PATJ: variants seen among roughly 807,000 people sequenced by gnomAD.
PATJ encodes PATJ crumbs cell polarity complex component.
A neutral mutation model predicts 224.9 loss-of-function variants in PATJ; 190 were observed. The observed-to-expected ratio is 0.84, with a 90% CI of 0.75 to 0.95. The LOEUF is 0.95. Ranked by LOEUF, PATJ falls within the 40% of genes least tolerant of loss-of-function variation. The probability of loss-of-function intolerance (pLI) is 0.00; values close to 1 mark genes in which losing one functional copy is unlikely to be tolerated. For synonymous variants in PATJ, 769 were observed against 820.3 expected (o/e 0.94, Z 1.07); for missense variants, 2,121 against 2,270.3 (o/e 0.93, Z 1.34).
In PATJ at chr1:62,161,484, A is replaced by C. The variant is rs1021814391; in HGVS notation, c.*430A>C. On this transcript the variant is annotated 3_prime_UTR_variant, in exon 44 of 44. Transcript: ENST00000642238. Reference sequence around the variant, plus strand: ...CTCCCGAGTAGCTGGGATTACAGGCATGCATCACCACACTGGGTTTATTTT... The same window carrying C: ...CTCCCGAGTAGCTGGGATTACAGGCCTGCATCACCACACTGGGTTTATTTT... The C allele has an allele frequency of 2.6e-5, 4 of 153,590 alleles. No individual in the cohort carries two copies. Among genetic ancestry groups the C allele is most frequent in the African/African-American group, 9.7e-5 (4 of 41,368 alleles). 9.5% of individuals were successfully genotyped at this position (153,590 alleles called of 1,614,324 possible).
rs367557803 is a variant in PATJ at position 61,871,063 on chromosome 1, G to T, written c.2836-4180G>T. On this transcript the variant is annotated intron_variant, in intron 20 of 43. Coordinates refer to ENST00000642238, the MANE Select transcript of PATJ (RefSeq NM_001350145.3). ...TCCTTTGTCCATTTTTTAAAGATTTGGTTTTTGTTTTTTTTGTTTTTTTTT... is the reference window on the plus strand; with the variant it reads ...TCCTTTGTCCATTTTTTAAAGATTTTGTTTTTGTTTTTTTTGTTTTTTTTT... Among the ~76,000 whole-genome samples the T allele has an allele frequency of 6.5e-4, 76 of 116,184 alleles. 2 individuals are homozygous for T. In the East Asian group the frequency reaches 0.013, roughly 20 times the overall value. The allele number at this position is 116,184 out of a possible 152,430, so 76.2% of individuals were successfully genotyped here. A position where few individuals can be genotyped will look rare whatever the true frequency, so the allele number is the denominator to read the frequency against.
chr1:61,765,370 C>A (rs1295925259), intron 3 of PATJ, among the ~76,000 whole-genome samples: 1 of 151,448 alleles, frequency 6.6e-6, no homozygotes, highest in Non-Finnish European at 1.5e-5. Context: ...AGCCATCACA[C>A]CCGGCCTAAC....
chr1:61,900,877 C>G (rs866668135), intron 23 of PATJ, among the ~76,000 whole-genome samples: 45 of 152,288 alleles, frequency 3.0e-4, no homozygotes, highest in Middle Eastern at 3.4e-3. Context: ...GCGTGAGCCA[C>G]CGCGCCAAGC....
intron 41 of PATJ, among the ~76,000 whole-genome samples, chr1:62,139,399 C>CAAA (rs4019658): frequency 5.3e-5 from 5 of 94,904 alleles, no homozygotes; most frequent in African/African-American, 1.0e-4. Context: ...GACTCCATCT[C>CAAA]AAAAAAAAAA....
chr1:61,997,982 T>TTTTTTTTATATATATATATATATA (rs374175697), intron 28 of PATJ, among the ~76,000 whole-genome samples: 1 of 118,338 alleles, frequency 8.5e-6, no homozygotes, highest in Non-Finnish European at 1.6e-5. Context: ...TGTGCCCAGC[T>TTTTTTTTATATATATATATATATA]TATATATGTA....
intron 25 of PATJ, among the ~76,000 whole-genome samples, chr1:61,909,789 T>C (rs1672354598): frequency 6.6e-6 from 1 of 152,206 alleles, no homozygotes; most frequent in South Asian, 2.1e-4. Flanking sequence ...AAAATAATAC[T>C]TATATGGCAA....
At chr1:61,883,757 TA>T (rs66752201) in intron 21 of PATJ, among the ~76,000 whole-genome samples, 91,945 of 113,720 alleles carry the variant, frequency 0.81, 37,020 homozygotes, top group Admixed American at 0.86. Context: ...CTCCGTCTCT[TA>T]AAAAAAAAAA....
Position 61,909,408 on chromosome 1 carries a change from C to T in PATJ, c.3492+926C>T, listed in dbSNP as rs571843387. On this transcript the variant is annotated intron_variant, in intron 25 of 43. Transcript: ENST00000642238. ...GAAACATCACCCTTAAAACTGGAAG[C>T]AATATTCAATATTCTTTTTCTTCAT... Among the ~76,000 whole-genome samples, 6 of 152,284 alleles carry T rather than the reference C, an allele frequency of 3.9e-5. No homozygotes were observed. In the East Asian group the frequency reaches 1.2e-3, roughly 29 times the overall value.
chr1:61,944,944 T>G (rs1678432411), intron 27 of PATJ, among the ~76,000 whole-genome samples: 1 of 152,158 alleles, frequency 6.6e-6, no homozygotes, highest in Non-Finnish European at 1.5e-5. Context: ...AGAAAAGAAT[T>G]TTCAACCCAG....
chr1:61,823,216 C>A, intron 15 of PATJ, 137 bp downstream of exon 15: 2 of 782,388 alleles, frequency 2.6e-6, no homozygotes, highest in Non-Finnish European at 4.1e-6. Context: ...AAAAACCGAA[C>A]AGCTTACTGG....
chr1:61,948,438 A>C (rs1198569145), intron 27 of PATJ, among the ~76,000 whole-genome samples: 8 of 152,378 alleles, frequency 5.3e-5, no homozygotes, highest in Admixed American at 2.0e-4. Flanking sequence ...GAAGACATTT[A>C]TGCAGCCAAC....
At chr1:62,000,957 A>G (rs2149605787) in intron 28 of PATJ, among the ~76,000 whole-genome samples, 1 of 151,322 alleles carries the variant, frequency 6.6e-6, no homozygotes, top group Non-Finnish European at 1.5e-5. Context: ...AGTGATGATG[A>G]GCATTTTTTC....
At chr1:61,803,732 T>C (rs1300117903) in intron 12 of PATJ, among the ~76,000 whole-genome samples, 2 of 152,208 alleles carry the variant, frequency 1.3e-5, no homozygotes, top group African/African-American at 4.8e-5. Flanking sequence ...GCTTTTTGGA[T>C]CAACTTCACT....
intron 12 of PATJ, among the ~76,000 whole-genome samples, 195 bp downstream of exon 12, chr1:61,801,964 T>A (rs1227188551): frequency 6.6e-6 from 1 of 151,510 alleles, no homozygotes; most frequent in Non-Finnish European, 1.5e-5. Flanking sequence ...TACTTTAAGT[T>A]CTAGGGTACA....
chr1:61,956,100 T>C (rs2149403319), intron 27 of PATJ, among the ~76,000 whole-genome samples: 1 of 152,078 alleles, frequency 6.6e-6, no homozygotes, highest in Admixed American at 6.5e-5. Context: ...TGCCATGAGG[T>C]TTAGGGTACA....
At chr1:62,014,825 G>A (rs867824851) in intron 28 of PATJ, among the ~76,000 whole-genome samples, 11 of 151,872 alleles carry the variant, frequency 7.2e-5, no homozygotes, top group African/African-American at 2.4e-4. Context: ...CCTCAGCCTC[G>A]CAAAGTGCTA....
chr1:62,103,722 C>T (rs1047949275), intron 33 of PATJ, among the ~76,000 whole-genome samples: 4 of 151,688 alleles, frequency 2.6e-5, no homozygotes, highest in African/African-American at 9.7e-5. Flanking sequence ...CCATTGCACT[C>T]CAGCCTGGGC....
At chr1:62,036,738 G>A (rs1650450811) in intron 29 of PATJ, among the ~76,000 whole-genome samples, 1 of 151,806 alleles carries the variant, frequency 6.6e-6, no homozygotes. Context: ...CAGGTGTGGT[G>A]GCACATGCCT....
intron 25 of PATJ, among the ~76,000 whole-genome samples, chr1:61,910,319 T>G (rs188557395): frequency 1.9e-3 from 290 of 152,256 alleles, no homozygotes; most frequent in Non-Finnish European, 3.2e-3. Context: ...GTGCAATTTC[T>G]TTCAATTATT....
Sources: gnomAD v4.1 joint callset for allele counts (sites outside exome capture counted in the v4.1 genomes callset) on GRCh38, gnomAD v4.1.1 for gene constraint, MANE v1.5 for transcripts, NCBI Gene and HGNC (gene_info 2026-07-23, HGNC 2026-07-21) for gene names.